Variants in NAALADL2 observed in about 807,000 individuals in gnomAD.
NAALADL2 encodes the protein inactive N-acetylated-alpha-linked acidic dipeptidase-like protein 2.
A neutral mutation model predicts 87.2 loss-of-function variants in NAALADL2; 76 were observed. The ratio of observed to expected loss-of-function variants is 0.87; its 90% confidence interval spans 0.72 to 1.05. NAALADL2 has a LOEUF of 1.05. NAALADL2 is among the 50% of genes least tolerant of loss of function. The probability of loss-of-function intolerance (pLI) is 0.00; values close to 1 mark genes in which losing one functional copy is unlikely to be tolerated. For synonymous variants in NAALADL2, 354 were observed against 331.0 expected (o/e 1.07, Z -0.75); for missense variants, 1,089 against 945.8 (o/e 1.15, Z -1.99).
chr3:174,583,878 C>T (rs948502626), intron 2 of NAALADL2, among the ~76,000 whole-genome samples: 1 of 152,120 alleles, frequency 6.6e-6, no homozygotes, highest in African/African-American at 2.4e-5. Context: ...ACAAGGGACT[C>T]ATCACAAGAA....
chr3:175,574,633 A>C (rs2149551979), intron 9 of NAALADL2, among the ~76,000 whole-genome samples: 1 of 152,214 alleles, frequency 6.6e-6, no homozygotes, highest in South Asian at 2.1e-4. Flanking sequence ...TTTTCCAAGA[A>C]TGGAAAAAGC....
At chr3:174,772,353 T>A (rs503403) in intron 3 of NAALADL2, among the ~76,000 whole-genome samples, 80,336 of 151,912 alleles carry the variant, frequency 0.53, 21,623 homozygotes, top group Middle Eastern at 0.64. Context: ...GTTTTATTTT[T>A]AAAAATTGTA....
rs76270506 is a variant in NAALADL2, at chr3:175,465,760, C to A, written c.1328-1219C>A. 8.5e-5 allele frequency among the ~76,000 whole-genome samples: 13 copies of A among 152,276 alleles called. No individual in the cohort carries two copies. The East Asian group carries it at 2.5e-3, about 29-fold the overall frequency. ...TACCGGGATTACAGGCGTGAGCCAC[C>A]GCCCATTAATTAAACCTTAATAAAA... On this transcript the variant is annotated intron_variant, in intron 7 of 13. Transcript: ENST00000454872.
At chr3:175,367,401 C>G (rs1300247099) in intron 5 of NAALADL2, among the ~76,000 whole-genome samples, 1 of 151,674 alleles carries the variant, frequency 6.6e-6, no homozygotes, top group Non-Finnish European at 1.5e-5. Flanking sequence ...TGAAGAAAGT[C>G]ATTGGTAGCT....
chr3:174,829,126 T>C (rs1202794010), intron 3 of NAALADL2, among the ~76,000 whole-genome samples: 1 of 152,114 alleles, frequency 6.6e-6, no homozygotes, highest in Non-Finnish European at 1.5e-5. Context: ...TTGTTGTTTT[T>C]AATTATACTT....
intron 3 of NAALADL2, chr3:174,737,749 A>T (rs1232035005): frequency 6.6e-6 from 1 of 152,230 alleles, no homozygotes; most frequent in African/African-American, 2.4e-5. Context: ...CAATTGAAGT[A>T]AGACCTAATT....
chr3:175,505,723 T>A (rs1286563011), intron 9 of NAALADL2, among the ~76,000 whole-genome samples: 2 of 152,090 alleles, frequency 1.3e-5, no homozygotes, highest in African/African-American at 4.8e-5. Flanking sequence ...AAGGAGTTTG[T>A]CTTAGCAAGC....
intron 2 of NAALADL2, among the ~76,000 whole-genome samples, chr3:175,161,144 G>A (rs989430221): frequency 1.2e-4 from 18 of 151,970 alleles, no homozygotes; most frequent in African/African-American, 3.9e-4. Context: ...GTTTGGTTGT[G>A]TCTGTTCTTC....
rs1490582580 is a variant in NAALADL2, at chr3:174,698,818, C to T, written c.-114-38823C>T. ...GGCGGAGCTTGCAGTGAGCCGAGAT[C>T]CCGCCACTGCACTCCAGCCTGGGTG... On this transcript the variant is annotated intron_variant, in intron 2 of 3. Coordinates refer to the NAALADL2 transcript ENST00000434257. 3.1e-5 allele frequency among the ~76,000 whole-genome samples: 3 copies of T among 98,040 alleles called. 1 individual carries two copies. Among genetic ancestry groups the T allele is most frequent in the Non-Finnish European group, 5.2e-5 (3 of 57,738 alleles). 64.3% of individuals were successfully genotyped at this position (98,040 alleles called of 152,430 possible).
intron 1 of NAALADL2, among the ~76,000 whole-genome samples, chr3:174,536,038 T>G (rs1721692092): frequency 6.6e-6 from 1 of 152,088 alleles, no homozygotes; most frequent in African/African-American, 2.4e-5. Flanking sequence ...TTGCTATTCC[T>G]TAGGAACATC....
chr3:175,344,878 A>G (rs188082910), intron 5 of NAALADL2, among the ~76,000 whole-genome samples: 47 of 152,312 alleles, frequency 3.1e-4, no homozygotes, highest in Admixed American at 3.9e-4. Context: ...TTACAACTTC[A>G]TAACAATAAA....
At chr3:174,640,707 G>A (rs1342735544) in intron 2 of NAALADL2, among the ~76,000 whole-genome samples, 1 of 152,182 alleles carries the variant, frequency 6.6e-6, no homozygotes, top group Admixed American at 6.5e-5. Flanking sequence ...TGATGCCAGG[G>A]CCAGGCCTTT....
chr3:174,922,034 A>C (rs1186734078), intron 1 of NAALADL2, among the ~76,000 whole-genome samples: 1 of 152,018 alleles, frequency 6.6e-6, no homozygotes, highest in African/African-American at 2.4e-5. Flanking sequence ...AATATAAACT[A>C]TTTTGGCTCA....
intron 1 of NAALADL2, among the ~76,000 whole-genome samples, chr3:175,014,269 G>A (rs1420170342): frequency 6.6e-6 from 1 of 151,952 alleles, no homozygotes; most frequent in Non-Finnish European, 1.5e-5. Flanking sequence ...ATCTGTATGG[G>A]TTACTCTCTT....
At chr3:174,796,743 G>C (rs1170511601) in intron 3 of NAALADL2, among the ~76,000 whole-genome samples, 1 of 152,004 alleles carries the variant, frequency 6.6e-6, no homozygotes, top group Non-Finnish European at 1.5e-5. Context: ...TGTCGTTTGA[G>C]CATTTTTGTA....
chr3:175,532,315 T>C (rs1235936509), intron 9 of NAALADL2, among the ~76,000 whole-genome samples: 2 of 152,116 alleles, frequency 1.3e-5, no homozygotes, highest in African/African-American at 4.8e-5. Context: ...CATAGCACAG[T>C]TATGCTGGTA....
At chr3:175,330,223 A>T (rs1699791326) in intron 5 of NAALADL2, among the ~76,000 whole-genome samples, 1 of 152,230 alleles carries the variant, frequency 6.6e-6, no homozygotes, top group South Asian at 2.1e-4. Flanking sequence ...TGAAACAACG[A>T]TATGATTAGT....
chr3:175,573,176 AAGG>A (rs1245243721), intron 9 of NAALADL2, among the ~76,000 whole-genome samples: 1 of 152,200 alleles, frequency 6.6e-6, no homozygotes, highest in Non-Finnish European at 1.5e-5. Flanking sequence ...ATTTCGATCT[AAGG>A]AGCATGGCTG....
At chr3:174,700,517 C>A (rs1729454787) in intron 2 of NAALADL2, among the ~76,000 whole-genome samples, 1 of 152,114 alleles carries the variant, frequency 6.6e-6, no homozygotes, top group Non-Finnish European at 1.5e-5. Flanking sequence ...CTGTTAGCAA[C>A]CAGGCTTGCT....
Sources: gnomAD v4.1 joint callset for allele counts (sites outside exome capture counted in the v4.1 genomes callset) on GRCh38, gnomAD v4.1.1 for gene constraint, MANE v1.5 for transcripts, NCBI Gene and HGNC (gene_info 2026-07-23, HGNC 2026-07-21) for gene names.